The following XPNPEP3 variants were observed in gnomAD, a reference collection of about 807,000 sequenced individuals.
The protein encoded by XPNPEP3 is X-prolyl aminopeptidase 3, also known as xaa-Pro aminopeptidase 3.
In XPNPEP3, 41 loss-of-function variants were observed where a neutral mutation model predicts 60.0. The ratio of observed to expected loss-of-function variants is 0.68; its 90% CI spans 0.53 to 0.89. The LOEUF (loss-of-function observed/expected upper bound fraction) is 0.89. XPNPEP3 is among the 40% of genes least tolerant of loss of function. XPNPEP3 has a pLI of 0.00. For synonymous variants in XPNPEP3, 212 were observed against 223.2 expected, an observed-to-expected ratio of 0.95 and a Z score of 0.45; for missense variants, 598 against 638.9, an observed-to-expected ratio of 0.94 and a Z score of 0.69.
rs559815759 is a variant in XPNPEP3 at position 40,902,909 on chromosome 22, C to G, written c.793-4678C>G. ...CCCTACGTAAGGGCTTGGTGGTTCTCTCACAGACCAGGAACCAGTGATGAA... is the reference window on the plus strand; with the variant it reads ...CCCTACGTAAGGGCTTGGTGGTTCTGTCACAGACCAGGAACCAGTGATGAA... On this transcript the variant is annotated intron_variant, in intron 4 of 9. Transcript: ENST00000357137. Among the ~76,000 whole-genome samples the G allele has an allele frequency of 6.8e-4, 103 of 152,322 alleles. No individual in the cohort carries two copies. In the Middle Eastern group the frequency reaches 0.014, roughly 20 times the overall value.
chr22:40,927,307 C>T lies in XPNPEP3; in HGVS notation c.*872C>T, dbSNP rs2058237762. 6.6e-6 allele frequency: 1 copy of T among 152,006 alleles called. No homozygotes were observed. 9.4% of individuals were successfully genotyped at this position (152,006 alleles called of 1,614,324 possible). A position where few individuals can be genotyped will look rare whatever the true frequency, so the allele number is the denominator to read the frequency against. ...TGGCCAACGTGGTGAAACACTGTCT[C>T]TACTAAAAATACAAAAATGAGCTGG... On this transcript the variant is annotated 3_prime_UTR_variant, in exon 10 of 10. Coordinates refer to ENST00000357137, the MANE Select transcript of XPNPEP3 (RefSeq NM_022098.4).
intron 6 of XPNPEP3, 111 bp from the exon 7 acceptor site, chr22:40,914,128 G>A (rs948296587): frequency 2.1e-5 from 19 of 907,128 alleles, no homozygotes; most frequent in Non-Finnish European, 3.0e-5. Context: ...GGCAACAAGA[G>A]TGAAACTCCG....
At chr22:40,887,262 G>A (rs1437033685) in intron 4 of XPNPEP3, among the ~76,000 whole-genome samples, 1 of 152,118 alleles carries the variant, frequency 6.6e-6, no homozygotes, top group Non-Finnish European at 1.5e-5. Context: ...CTCAAAGCAA[G>A]GAGTCTAGAG....
At position 40,926,535 on chromosome 22, in the gene XPNPEP3, T is replaced by G; in HGVS notation, c.*100T>G. 1.4e-6 allele frequency: 2 copies of G among 1,392,280 alleles called. No homozygotes were observed. Among genetic ancestry groups the G allele is most frequent in the Non-Finnish European group, 2.0e-6 (2 of 982,708 alleles). 86.2% of individuals were successfully genotyped at this position (1,392,280 alleles called of 1,614,324 possible). Reference sequence around the variant, plus strand: ...GTGTCTCTGTGTGTGCATTAATATATGCATTCCATTTGGGAGCATAGCAGC... The same window carrying G: ...GTGTCTCTGTGTGTGCATTAATATAGGCATTCCATTTGGGAGCATAGCAGC... On this transcript the variant is annotated 3_prime_UTR_variant, in exon 10 of 10. Transcript: ENST00000357137.
At chr22:40,871,367 A>AG (rs1426182669) in intron 2 of XPNPEP3, among the ~76,000 whole-genome samples, 2 of 152,198 alleles carry the variant, frequency 1.3e-5, no homozygotes, top group Non-Finnish European at 2.9e-5. Context: ...TCTCAAAAAA[A>AG]GTCTCTTACG....
intron 1 of XPNPEP3, chr22:40,861,430 T>C: frequency 6.2e-7 from 1 of 1,613,922 alleles, no homozygotes; most frequent in Non-Finnish European, 8.5e-7. Context: ...TTGTCTGAAG[T>C]TGTAACAGAT....
chr22:40,880,542 G>A (rs1384118028), intron 2 of XPNPEP3, among the ~76,000 whole-genome samples: 1 of 150,472 alleles, frequency 6.6e-6, no homozygotes, highest in Non-Finnish European at 1.5e-5. Flanking sequence ...GTAGGAGAAG[G>A]GAATAGGGAT....
At chr22:40,862,982 G>T (rs1601487377) in intron 1 of XPNPEP3, among the ~76,000 whole-genome samples, 1 of 152,328 alleles carries the variant, frequency 6.6e-6, no homozygotes, top group African/African-American at 2.4e-5. Flanking sequence ...CTTTAGATTG[G>T]TTTTAGAAGG....
intron 3 of XPNPEP3, among the ~76,000 whole-genome samples, chr22:40,885,365 A>G (rs2058064677): frequency 2.0e-5 from 3 of 152,228 alleles, no homozygotes; most frequent in African/African-American, 4.8e-5. Context: ...ATGAGCCTTT[A>G]TATCGTATAT....
intron 2 of XPNPEP3, among the ~76,000 whole-genome samples, chr22:40,877,312 G>T (rs1263856440): frequency 1.3e-5 from 2 of 152,106 alleles, no homozygotes; most frequent in Non-Finnish European, 1.5e-5. Context: ...CTTATATGCT[G>T]CGAAAACTAC....
At chr22:40,861,159 G>T in intron 1 of XPNPEP3, 3 of 1,613,874 alleles carry the variant, frequency 1.9e-6, no homozygotes, top group Non-Finnish European at 2.5e-6. Context: ...GAAAATAGGG[G>T]GATCTCTGTT....
At chr22:40,888,881 T>C (rs2058078804) in intron 4 of XPNPEP3, among the ~76,000 whole-genome samples, 1 of 152,144 alleles carries the variant, frequency 6.6e-6, no homozygotes, top group Admixed American at 6.6e-5. Context: ...CCAACATTTG[T>C]TCTGTTTTTG....
At chr22:40,924,611 C>G (rs2058228392) in intron 9 of XPNPEP3, 129 bp downstream of exon 9, 2 of 1,343,366 alleles carry the variant, frequency 1.5e-6, no homozygotes, top group Admixed American at 2.0e-5. Flanking sequence ...GCAACCTCCG[C>G]CCCCCAGGTT....
At chr22:40,884,487 G>T (rs1033507773) in intron 3 of XPNPEP3, among the ~76,000 whole-genome samples, 83 of 151,240 alleles carry the variant, frequency 5.5e-4, no homozygotes, top group Admixed American at 2.0e-3. Context: ...GCGCCACCAT[G>T]CCCGGGGAAT....
chr22:40,875,353 A>G (rs1479060434), intron 2 of XPNPEP3, among the ~76,000 whole-genome samples: 2 of 152,116 alleles, frequency 1.3e-5, no homozygotes, highest in African/African-American at 2.4e-5. Context: ...AAATTTTTGT[A>G]GAGATGGGAT....
chr22:40,871,638 T>C (rs2058006273), intron 2 of XPNPEP3, among the ~76,000 whole-genome samples: 1 of 152,228 alleles, frequency 6.6e-6, no homozygotes, highest in South Asian at 2.1e-4. Context: ...TTGGTATATG[T>C]TTCTTTTTAG....
At chr22:40,891,409 CTT>C (rs1230559750) in intron 4 of XPNPEP3, among the ~76,000 whole-genome samples, 2 of 151,748 alleles carry the variant, frequency 1.3e-5, no homozygotes. Flanking sequence ...AATCCCAGCA[CTT>C]TGGGAAGCCG....
intron 3 of XPNPEP3, among the ~76,000 whole-genome samples, chr22:40,884,638 T>C (rs1404335233): frequency 6.6e-6 from 1 of 151,544 alleles, no homozygotes; most frequent in Non-Finnish European, 1.5e-5. Flanking sequence ...CTGGCTAAAA[T>C]CATATTTATT....
chr22:40,913,151 C>A (rs1456234992), intron 6 of XPNPEP3, among the ~76,000 whole-genome samples: 1 of 151,852 alleles, frequency 6.6e-6, no homozygotes. Flanking sequence ...TTCTTCTTTC[C>A]CCACATGTAT....
Sources: gnomAD v4.1 joint callset for allele counts (sites outside exome capture counted in the v4.1 genomes callset) on GRCh38, gnomAD v4.1.1 for gene constraint, MANE v1.5 for transcripts, NCBI Gene and HGNC (gene_info 2026-07-23, HGNC 2026-07-21) for gene names.